The following MCTP1 variants were observed in gnomAD, a reference collection of about 807,000 sequenced individuals.
MCTP1 encodes multiple C2 and transmembrane domain-containing protein 1.
A neutral mutation model predicts 120.6 loss-of-function variants in MCTP1; 69 were observed. The observed-to-expected ratio is 0.57, with a 90% CI of 0.47 to 0.70. MCTP1 has a LOEUF of 0.70. Ranked by LOEUF, MCTP1 falls within the 30% of genes least tolerant of loss-of-function variation. MCTP1 has a pLI of 0.00. For missense variants in MCTP1, 1,203 were observed against 1,248.8 expected (o/e 0.96, Z 0.55); for synonymous variants, 529 against 493.1 (o/e 1.07, Z -0.96).
At chr5:94,990,431 G>A (rs1002817417) in intron 2 of MCTP1, among the ~76,000 whole-genome samples, 3 of 152,136 alleles carry the variant, frequency 2.0e-5, no homozygotes, top group Admixed American at 6.6e-5. Context: ...AGTTCTTTAC[G>A]GTTGTAGAAC....
intron 1 of MCTP1, among the ~76,000 whole-genome samples, chr5:95,184,960 T>C (rs1247163585): frequency 6.6e-6 from 1 of 152,160 alleles, no homozygotes; most frequent in Non-Finnish European, 1.5e-5. Context: ...TGCCAAATTA[T>C]CTTTAAAAAT....
At chr5:94,769,027 A>C (rs907260173) in intron 19 of MCTP1, among the ~76,000 whole-genome samples, 1 of 152,198 alleles carries the variant, frequency 6.6e-6, no homozygotes, top group Non-Finnish European at 1.5e-5. Context: ...AATGTGGTAC[A>C]TATGTACCCA....
chr5:94,839,863 C>T (rs1037239564), intron 17 of MCTP1, among the ~76,000 whole-genome samples: 1 of 152,190 alleles, frequency 6.6e-6, no homozygotes, highest in Non-Finnish European at 1.5e-5. Context: ...CACATGATGA[C>T]ATTTGCACAC....
intron 11 of MCTP1, among the ~76,000 whole-genome samples, chr5:94,891,154 A>C (rs1359615822): frequency 6.6e-6 from 1 of 151,714 alleles, no homozygotes; most frequent in Admixed American, 6.6e-5. Context: ...CTAACTTTTT[A>C]TAAGAGTGTT....
chr5:95,036,132 A>T (rs1841254362), intron 1 of MCTP1, among the ~76,000 whole-genome samples: 1 of 152,198 alleles, frequency 6.6e-6, no homozygotes, highest in Non-Finnish European at 1.5e-5. Flanking sequence ...AACAACTCTC[A>T]GAGGGATAGT....
intron 1 of MCTP1, among the ~76,000 whole-genome samples, chr5:95,199,169 T>G (rs1750721038): frequency 6.6e-6 from 1 of 152,230 alleles, no homozygotes; most frequent in Admixed American, 6.5e-5. Flanking sequence ...ACATTTCATT[T>G]TAATTCTTTT....
intron 1 of MCTP1, among the ~76,000 whole-genome samples, chr5:95,043,044 A>G (rs1044218237): frequency 6.6e-6 from 1 of 152,102 alleles, no homozygotes; most frequent in Non-Finnish European, 1.5e-5. Context: ...CTATGTTTTC[A>G]ATTTTGAGAG....
intron 1 of MCTP1, among the ~76,000 whole-genome samples, chr5:95,074,370 C>T (rs1032148915): frequency 3.9e-5 from 6 of 152,166 alleles, no homozygotes; most frequent in African/African-American, 1.4e-4. Flanking sequence ...CTGGAGGGGC[C>T]ACTAAGAGAG....
chr5:94,873,344 CA>C (rs1233840793), intron 12 of MCTP1, 103 bp from the exon 13 acceptor site: 1 of 577,640 alleles, frequency 1.7e-6, no homozygotes, highest in East Asian at 3.1e-5. Flanking sequence ...TTATAGTAAA[CA>C]AAAAAGTGAA....
chr5:94,821,508 A>C (rs951023123), intron 17 of MCTP1, among the ~76,000 whole-genome samples: 4 of 152,174 alleles, frequency 2.6e-5, no homozygotes, highest in African/African-American at 9.7e-5. Flanking sequence ...TCTAACCATC[A>C]GTGTGATTCC....
At chr5:94,878,655 A>G (rs949808614) in intron 12 of MCTP1, among the ~76,000 whole-genome samples, 1 of 152,122 alleles carries the variant, frequency 6.6e-6, no homozygotes, top group Non-Finnish European at 1.5e-5. Context: ...ATAAAATCAT[A>G]CATTGACTTA....
At chr5:95,133,851 C>T (rs543048786) in intron 1 of MCTP1, among the ~76,000 whole-genome samples, 1 of 152,274 alleles carries the variant, frequency 6.6e-6, no homozygotes, top group South Asian at 2.1e-4. Context: ...AATTAAGGTC[C>T]ATGTAGTAAG....
chr5:94,904,304 G>A (rs925975929), intron 10 of MCTP1, among the ~76,000 whole-genome samples: 3 of 152,182 alleles, frequency 2.0e-5, no homozygotes, highest in African/African-American at 7.2e-5. Context: ...TCCACTGGCT[G>A]AGCAACCTCT....
At chr5:94,755,096 C>CCT (rs965768589) in intron 19 of MCTP1, among the ~76,000 whole-genome samples, 1 of 152,156 alleles carries the variant, frequency 6.6e-6, no homozygotes, top group African/African-American at 2.4e-5. Context: ...TCCTCCCAGT[C>CCT]CTCCCACTTT....
chr5:95,255,919 C>T (rs1047023971), intron 1 of MCTP1, among the ~76,000 whole-genome samples: 18 of 152,062 alleles, frequency 1.2e-4, no homozygotes, highest in Non-Finnish European at 4.4e-5. Flanking sequence ...GGCAGAAGTT[C>T]GGTCATAAAC....
At chr5:94,891,927 A>G (rs1334787157) in intron 11 of MCTP1, among the ~76,000 whole-genome samples, 1 of 152,110 alleles carries the variant, frequency 6.6e-6, no homozygotes, top group Non-Finnish European at 1.5e-5. Flanking sequence ...GGAATCTATG[A>G]TTTGCTGTGA....
chr5:94,833,701 T>C (rs1789066371), intron 17 of MCTP1, among the ~76,000 whole-genome samples: 1 of 152,204 alleles, frequency 6.6e-6, no homozygotes, highest in Non-Finnish European at 1.5e-5. Flanking sequence ...AAGTTATTTT[T>C]CCCGTTTCTG....
chr5:94,708,499 G>A lies in MCTP1; in HGVS notation c.2928+13C>T, dbSNP rs563951914. The A allele has an allele frequency of 4.6e-5, 69 of 1,505,602 alleles. No homozygotes were observed. Among genetic ancestry groups the A allele is most frequent in the East Asian group, 3.4e-4 (15 of 44,212 alleles). 93.3% of individuals were successfully genotyped at this position (1,505,602 alleles called of 1,614,324 possible). On this transcript the variant is annotated intron_variant, in intron 22 of 22. Coordinates refer to ENST00000515393, the MANE Select transcript of MCTP1 (RefSeq NM_024717.7). ...TTAAAATAATAGCAATAATAATAAC[G>A]AAACCTACATACCACTTGTACATCT...
chr5:95,165,768 T>C (rs1562197872), intron 1 of MCTP1, among the ~76,000 whole-genome samples: 1 of 152,218 alleles, frequency 6.6e-6, no homozygotes, highest in South Asian at 2.1e-4. Context: ...GTTTCTTACT[T>C]GCTTAGTCAT....
Sources: allele counts gnomAD v4.1 joint callset (sites outside exome capture counted in the v4.1 genomes callset), GRCh38; gene constraint gnomAD v4.1.1; transcripts MANE v1.5; gene names NCBI Gene and HGNC (gene_info 2026-07-23, HGNC 2026-07-21).